TRIM44: variants seen among roughly 807,000 people sequenced by gnomAD.
TRIM44 encodes tripartite motif-containing protein 44.
A neutral mutation model predicts 37.4 loss-of-function variants in TRIM44; 13 were observed. That is an observed-to-expected ratio of 0.35 (90% CI 0.23 to 0.55). The LOEUF (loss-of-function observed/expected upper bound fraction) is 0.55. Among genes scored for constraint, TRIM44 ranks in the 20% least tolerant of loss-of-function variants. The probability of loss-of-function intolerance (pLI) is 0.89; values close to 1 mark genes in which losing one functional copy is unlikely to be tolerated. For synonymous variants in TRIM44, 175 were observed against 157.2 expected (o/e 1.11, Z -0.85); for missense variants, 426 against 437.2 (o/e 0.97, Z 0.23).
intron 1 of TRIM44, among the ~76,000 whole-genome samples, chr11:35,671,745 C>T (rs895149781): frequency 1.2e-4 from 19 of 152,294 alleles, no homozygotes; most frequent in Admixed American, 9.8e-4. Context: ...ATCTTGAAGG[C>T]GTAAGATCAG....
At chr11:35,715,962 TATG>T (rs1852035738) in intron 2 of TRIM44, among the ~76,000 whole-genome samples, 1 of 152,156 alleles carries the variant, frequency 6.6e-6, no homozygotes, top group African/African-American at 2.4e-5. Flanking sequence ...ACTCCACCCT[TATG>T]ATCCAGTCAT....
intron 4 of TRIM44, among the ~76,000 whole-genome samples, chr11:35,744,979 A>G (rs1402117611): frequency 6.6e-6 from 1 of 152,208 alleles, no homozygotes; most frequent in African/African-American, 2.4e-5. Flanking sequence ...AGTGATGGAC[A>G]TTTGGGTTGA....
chr11:35,793,526 AAAAT>A (rs1350630352), intron 4 of TRIM44, among the ~76,000 whole-genome samples: 2 of 152,128 alleles, frequency 1.3e-5, no homozygotes, highest in African/African-American at 4.8e-5. Context: ...CTCTGTCTCA[AAAAT>A]AAATAAATAA....
intron 2 of TRIM44, among the ~76,000 whole-genome samples, chr11:35,702,375 C>T (rs541837494): frequency 1.9e-4 from 29 of 152,348 alleles, no homozygotes; most frequent in South Asian, 8.3e-4. Flanking sequence ...TGTGTGGCTG[C>T]GGAGTGGGCA....
At chr11:35,726,232 C>T (rs1852173722) in intron 3 of TRIM44, 69 bp downstream of exon 3, 4 of 1,575,204 alleles carry the variant, frequency 2.5e-6, no homozygotes, top group Non-Finnish European at 3.4e-6. Flanking sequence ...ATTTGTTAGA[C>T]CCCATGTGGT....
intron 2 of TRIM44, among the ~76,000 whole-genome samples, chr11:35,706,726 A>T (rs983404013): frequency 6.6e-6 from 1 of 152,000 alleles, no homozygotes; most frequent in East Asian, 1.9e-4. Context: ...TTCATGCTAA[A>T]AACTCTCAAT....
chr11:35,780,851 T>C (rs1447320559), intron 4 of TRIM44, among the ~76,000 whole-genome samples: 1 of 151,218 alleles, frequency 6.6e-6, no homozygotes, highest in Admixed American at 6.6e-5. Context: ...TTTTTATTCA[T>C]TTTCAACTCT....
At position 35,663,820 on chromosome 11, in the gene TRIM44, G is replaced by A. The variant is rs199530559; in HGVS notation, c.669+40G>A. ...TTCAGAGCATAAACCTAGGGGTCAG[G>A]ACACCTGGGTTTCAACTCAGGTGGC... is the stretch of plus-strand genomic sequence containing the variant. On this transcript the variant is annotated intron_variant, in intron 1 of 4. Transcript: ENST00000299413. 1.6e-4 allele frequency: 257 copies of A among 1,561,340 alleles called. 1 individual carries two copies. In the East Asian group the frequency reaches 5.5e-3, roughly 33 times the overall value.
chr11:35,786,264 T>A (rs1853129632), intron 4 of TRIM44, among the ~76,000 whole-genome samples: 2 of 152,226 alleles, frequency 1.3e-5, no homozygotes, highest in African/African-American at 4.8e-5. Flanking sequence ...ATTTTACAAA[T>A]GAGAAAACTA....
At chr11:35,776,308 C>G (rs927927533) in intron 4 of TRIM44, among the ~76,000 whole-genome samples, 1 of 152,106 alleles carries the variant, frequency 6.6e-6, no homozygotes, top group African/African-American at 2.4e-5. Flanking sequence ...TGGTGATATC[C>G]TCTTCATCAT....
intron 1 of TRIM44, among the ~76,000 whole-genome samples, chr11:35,684,403 A>G (rs1851551341): frequency 6.6e-6 from 1 of 152,192 alleles, no homozygotes; most frequent in African/African-American, 2.4e-5. Flanking sequence ...TGGGACTCAC[A>G]TTAGTCTTTT....
At chr11:35,759,453 C>T (rs1040389430) in intron 4 of TRIM44, among the ~76,000 whole-genome samples, 4 of 152,126 alleles carry the variant, frequency 2.6e-5, no homozygotes, top group Non-Finnish European at 5.9e-5. Context: ...GAACTTCTTC[C>T]TTTAGCTCAG....
chr11:35,783,105 T>G (rs1161316031), intron 4 of TRIM44, among the ~76,000 whole-genome samples: 1 of 152,194 alleles, frequency 6.6e-6, no homozygotes, highest in East Asian at 1.9e-4. Flanking sequence ...TCTCATTTCC[T>G]TCCCATGCAG....
intron 4 of TRIM44, among the ~76,000 whole-genome samples, chr11:35,781,184 G>A (rs997037823): frequency 5.3e-5 from 8 of 151,926 alleles, no homozygotes; most frequent in Non-Finnish European, 1.0e-4. Context: ...ATGAACATGG[G>A]GAATGTTATA....
chr11:35,765,463 G>A (rs1852785225), intron 4 of TRIM44, among the ~76,000 whole-genome samples: 1 of 151,910 alleles, frequency 6.6e-6, no homozygotes, highest in Admixed American at 6.6e-5. Context: ...CCAGTGACTT[G>A]AAAAGAACTG....
In TRIM44 at chr11:35,707,021, T is replaced by C. The variant is rs534800209; in HGVS notation, c.748-18903T>C. Among the ~76,000 whole-genome samples the C allele has an allele frequency of 1.9e-3, 294 of 152,088 alleles. 2 individuals carry two copies. Among genetic ancestry groups the C allele is most frequent in the African/African-American group, 6.4e-3 (267 of 41,500 alleles). ...TTGTATATCTAGAAAACCCCATTGT[T>C]TCAGCCCAAAATCTCCTTAAGCTGA... On this transcript the variant is annotated intron_variant, in intron 2 of 4. Coordinates refer to ENST00000299413, the MANE Select transcript of TRIM44 (RefSeq NM_017583.6).
chr11:35,683,995 T>G (rs902003852), intron 1 of TRIM44, among the ~76,000 whole-genome samples: 1 of 152,160 alleles, frequency 6.6e-6, no homozygotes, highest in African/African-American at 2.4e-5. Flanking sequence ...ATTAACTAAT[T>G]TAATCTTACT....
intron 2 of TRIM44, among the ~76,000 whole-genome samples, chr11:35,710,739 A>C (rs1387257194): frequency 1.3e-5 from 2 of 152,220 alleles, no homozygotes; most frequent in Non-Finnish European, 2.9e-5. Flanking sequence ...TTTCCTTTAC[A>C]GATGTACATT....
At chr11:35,720,721 T>G (rs1057485987) in intron 2 of TRIM44, among the ~76,000 whole-genome samples, 3 of 152,010 alleles carry the variant, frequency 2.0e-5, no homozygotes, top group Non-Finnish European at 4.4e-5. Flanking sequence ...CCCCACCCCA[T>G]TCCTAGTGTA....
Sources: allele counts gnomAD v4.1 joint callset (sites outside exome capture counted in the v4.1 genomes callset), GRCh38; gene constraint gnomAD v4.1.1; transcripts MANE v1.5; gene names NCBI Gene and HGNC (gene_info 2026-07-23, HGNC 2026-07-21).